DNMT3A: variants seen among roughly 807,000 people sequenced by gnomAD.
DNMT3A encodes DNA (cytosine-5)-methyltransferase 3A.
In DNMT3A, 267 loss-of-function variants were observed where a neutral mutation model predicts 117.6. The ratio of observed to expected loss-of-function variants is 2.27; its 90% CI spans 2.05 to 2.51. DNMT3A has a LOEUF of 2.51. DNMT3A is among the 30% of genes most tolerant of loss of function. The pLI is 0.00. For synonymous variants in DNMT3A, 432 were observed against 474.8 expected (o/e 0.91, Z 1.17); for missense variants, 1,029 against 1,260.2 (o/e 0.82, Z 2.78).
chr2:25,284,695 AAT>A (rs1553424202), intron 3 of DNMT3A, among the ~76,000 whole-genome samples: 1 of 150,400 alleles, frequency 6.6e-6, no homozygotes, highest in African/African-American at 2.4e-5. Flanking sequence ...AAAAAAAAAA[AAT>A]AATGCTAAAA....
intron 16 of DNMT3A, chr2:25,241,953 C>T (rs959125214): frequency 1.7e-5 from 9 of 527,682 alleles, no homozygotes; most frequent in East Asian, 1.0e-4. Flanking sequence ...GAAAACTGAC[C>T]GGAGAGTACA....
rs192270485 is a variant in DNMT3A at position 25,282,933 on chromosome 2, G to T, written c.178-222C>A. ...TGAAATCACGAGTCTGTGGACTCCA[G>T]CTTCAGAAACAGGAAAAGAATCCAA... On this transcript the variant is annotated intron_variant, in intron 3 of 22. Coordinates refer to ENST00000321117, the MANE Select transcript of DNMT3A (RefSeq NM_022552.5). This position sits in a 1 kb window ranked among gnomAD's most constrained non-coding sequence, Gnocchi z 5.2. Among the ~76,000 whole-genome samples the T allele has an allele frequency of 6.6e-6, 1 of 152,336 alleles. No individual in the cohort carries two copies. The highest frequency in any genetic ancestry group is 1.5e-5 in the Non-Finnish European group (1 of 68,036).
At chr2:25,246,546 G>T (rs1674795417) in intron 10 of DNMT3A, 74 bp downstream of exon 10, 1 of 1,549,996 alleles carries the variant, frequency 6.5e-7, no homozygotes, top group Admixed American at 1.9e-5. Context: ...CCCTCCCTAA[G>T]CATGGCTTTC....
In DNMT3A at chr2:25,299,800, G is replaced by A. The variant is rs144581642; in HGVS notation, c.177+339C>T. Among the ~76,000 whole-genome samples, 1,864 of 152,262 alleles carry A rather than the reference G, an allele frequency of 0.012. 38 individuals are homozygous for A. Among genetic ancestry groups the A allele is most frequent in the African/African-American group, 0.042 (1,744 of 41,542 alleles). ...ACAAAAATTAGCCGGGAATGGTGGC[G>A]CGTGCCTGTAATCACAGCTACTTGG... On this transcript the variant is annotated intron_variant, in intron 3 of 22. Transcript: ENST00000321117.
At chr2:25,271,806 T>C (rs2030931588) in intron 6 of DNMT3A, among the ~76,000 whole-genome samples, 1 of 152,246 alleles carries the variant, frequency 6.6e-6, no homozygotes, top group South Asian at 2.1e-4. Context: ...ATCAACATTT[T>C]GGTTTTTCTA....
At chr2:25,292,627 T>C (rs2032842006) in intron 3 of DNMT3A, among the ~76,000 whole-genome samples, 1 of 152,204 alleles carries the variant, frequency 6.6e-6, no homozygotes, top group South Asian at 2.1e-4. Context: ...AATCACATCC[T>C]CTGCCTTTGT....
At chr2:25,253,554 C>T (rs1675842676) in intron 6 of DNMT3A, among the ~76,000 whole-genome samples, 1 of 152,092 alleles carries the variant, frequency 6.6e-6, no homozygotes, top group African/African-American at 2.4e-5. Context: ...CCACCTCCAC[C>T]CTCCCAGTAC....
intron 6 of DNMT3A, among the ~76,000 whole-genome samples, chr2:25,271,777 C>G (rs2030927978): frequency 6.6e-6 from 1 of 152,182 alleles, no homozygotes; most frequent in South Asian, 2.1e-4. Context: ...GTCAAGTGTA[C>G]TAAAGTCTTT....
chr2:25,326,545 T>C (rs2034795477), intron 1 of DNMT3A, among the ~76,000 whole-genome samples: 1 of 152,208 alleles, frequency 6.6e-6, no homozygotes, highest in African/African-American at 2.4e-5. Context: ...ACTTTTCCTT[T>C]GTCAGCTGGC....
rs1450158150 is a variant in DNMT3A at position 25,237,758 on chromosome 2, C to G, written c.2409-753G>C. Among the ~76,000 whole-genome samples, 1 of 150,826 alleles carries G rather than the reference C, an allele frequency of 6.6e-6. No homozygotes were observed. Among genetic ancestry groups the G allele is most frequent in the African/African-American group, 2.4e-5 (1 of 40,956 alleles). ...CCAGCCTGGGCGACAGAGCAAGACT[C>G]TGTCTCCAAAAAAAAAAAAAACCAG... On this transcript the variant is annotated intron_variant, in intron 20 of 22. Coordinates refer to ENST00000321117, the MANE Select transcript of DNMT3A (RefSeq NM_022552.5). The surrounding 1 kb of genome is among the most constrained non-coding windows in gnomAD (Gnocchi z 5.4).
intron 4 of DNMT3A, among the ~76,000 whole-genome samples, chr2:25,278,126 G>C (rs896296895): frequency 2.6e-5 from 4 of 151,936 alleles, no homozygotes; most frequent in East Asian, 1.9e-4. Context: ...CTCTCAGTAC[G>C]GCCTATGCAG....
Position 25,239,196 on chromosome 2 carries a change from TCAATCATCACAGGG to T in DNMT3A, c.2328_2341del (p.Asn776LysfsTer17). 1 of 1,614,000 alleles carries T rather than the reference TCAATCATCACAGGG, an allele frequency of 6.2e-7. No individual in the cohort carries two copies. The highest frequency in any genetic ancestry group is 8.5e-7 in the Non-Finnish European group (1 of 1,179,944). ...GTGTGCAGCTGACACTTCTTTGGCATCAATCATCACAGGGTTGGACTACAAAACAGGAGACGGTT... is the reference window on the plus strand; with the variant it reads ...GTGTGCAGCTGACACTTCTTTGGCATTTGGACTACAAAACAGGAGACGGTT... On this transcript the variant is annotated frameshift_variant, in exon 20 of 23. Transcript: ENST00000321117. LOFTEE classifies it high-confidence loss of function.
In DNMT3A at chr2:25,252,150, C is replaced by CCTCCCCGCCCCCGGT. The variant is rs1322302943; in HGVS notation, c.640-3913_640-3899dup. On this transcript the variant is annotated intron_variant, in intron 6 of 22. Transcript: ENST00000321117. The surrounding 1 kb of genome is among the most constrained non-coding windows in gnomAD (Gnocchi z 5.5). Reference sequence around the variant, plus strand: ...GGAGATCCTCCCACCGGCCCTGCCGCCTCCCCGCCCCCGGTCTCCCCGGGG... The same window carrying CCTCCCCGCCCCCGGT: ...GGAGATCCTCCCACCGGCCCTGCCGCCTCCCCGCCCCCGGTCTCCCCGCCCCCGGTCTCCCCGGGG... The CCTCCCCGCCCCCGGT allele has an allele frequency of 6.5e-7, 1 of 1,549,824 alleles. No homozygotes were observed. The highest frequency in any genetic ancestry group is 1.4e-5 in the African/African-American group (1 of 72,210).
Position 25,236,902 on chromosome 2 carries a change from C to T in DNMT3A, c.2478+34G>A. 6.3e-7 allele frequency: 1 copy of T among 1,596,810 alleles called. No homozygotes were observed. Among genetic ancestry groups the T allele is most frequent in the Non-Finnish European group, 8.5e-7 (1 of 1,171,174 alleles). ...CTCATCCTGCCCTTCCTTCTCCCTG[C>T]CCCCCAGCAGAGGTTCTAGACGCTG... On this transcript the variant is annotated intron_variant, in intron 21 of 22. Coordinates refer to ENST00000321117, the MANE Select transcript of DNMT3A (RefSeq NM_022552.5). This position sits in a 1 kb window ranked among gnomAD's most constrained non-coding sequence, Gnocchi z 4.5.
chr2:25,270,662 G>T (rs899319021), intron 6 of DNMT3A, among the ~76,000 whole-genome samples: 1 of 152,064 alleles, frequency 6.6e-6, no homozygotes, highest in Non-Finnish European at 1.5e-5. Context: ...ATCAACACTG[G>T]CAGAGGGTGG....
At position 25,246,067 on chromosome 2, in the gene DNMT3A, G is replaced by A; in HGVS notation, c.1430-3C>T. ...CCGCACCTCGTACACCAGCCGCTCT[G>A]CAAGGGGAGGAGAGCTGGCGTCAGA... is the stretch of plus-strand genomic sequence containing the variant. On this transcript the variant is annotated splice_region_variant and splice_polypyrimidine_tract_variant and intron_variant, in intron 11 of 22. Coordinates refer to ENST00000321117, the MANE Select transcript of DNMT3A (RefSeq NM_022552.5). The A allele has an allele frequency of 6.2e-7, 1 of 1,614,176 alleles. No individual in the cohort carries two copies. The highest frequency in any genetic ancestry group is 8.5e-7 in the Non-Finnish European group (1 of 1,180,024).
chr2:25,244,501 C>T, intron 14 of DNMT3A, 39 bp downstream of exon 14: 1 of 1,608,220 alleles, frequency 6.2e-7, no homozygotes, highest in Non-Finnish European at 8.5e-7. Flanking sequence ...GAGCCTGGGG[C>T]CCAGCTAAGG....
Position 25,241,644 on chromosome 2 carries a change from TCACA to T in DNMT3A, c.1996_1999del (p.Cys666ArgfsTer38). Reference sequence around the variant, plus strand: ...CACCATGCCCACCGTGATGGAGTCCTCACACACCTCCGAGGCAATGTAGCGGTCC... The same window carrying T: ...CACCATGCCCACCGTGATGGAGTCCTCACCTCCGAGGCAATGTAGCGGTCC... On this transcript the variant is annotated frameshift_variant, in exon 17 of 23. Coordinates refer to ENST00000321117, the MANE Select transcript of DNMT3A (RefSeq NM_022552.5). LOFTEE classifies it high-confidence loss of function. The T allele has an allele frequency of 6.2e-7, 1 of 1,614,072 alleles. No individual in the cohort carries two copies. Among genetic ancestry groups the T allele is most frequent in the Non-Finnish European group, 8.5e-7 (1 of 1,179,998 alleles).
chr2:25,300,964 G>A (rs1416743615), intron 2 of DNMT3A, among the ~76,000 whole-genome samples: 4 of 150,566 alleles, frequency 2.7e-5, no homozygotes, highest in African/African-American at 9.8e-5. Flanking sequence ...TCTACTTAAT[G>A]AATCACCTTT....
Sources: gnomAD v4.1 joint callset for allele counts (sites outside exome capture counted in the v4.1 genomes callset) on GRCh38, gnomAD v4.1.1 for gene constraint, Gnocchi (gnomAD v3.1) non-coding constraint, MANE v1.5 for transcripts, NCBI Gene and HGNC (gene_info 2026-07-23, HGNC 2026-07-21) for gene names.